The following CNTN4 variants were observed in gnomAD, a reference collection of about 807,000 sequenced individuals.
The protein encoded by CNTN4 is contactin-4.
A neutral mutation model predicts 122.5 loss-of-function variants in CNTN4; 77 were observed. The observed-to-expected ratio is 0.63, with a 90% CI of 0.52 to 0.76. CNTN4 has a LOEUF of 0.76. Ranked by LOEUF, CNTN4 falls within the 30% of genes least tolerant of loss-of-function variation. The pLI is 0.00. For synonymous variants in CNTN4, 512 were observed against 447.0 expected, an observed-to-expected ratio of 1.15 and a Z score of -1.83; for missense variants, 1,256 against 1,259.1, an observed-to-expected ratio of 1.00 and a Z score of 0.04.
intron 3 of CNTN4, among the ~76,000 whole-genome samples, chr3:2,541,378 C>T (rs760351386): frequency 2.2e-4 from 33 of 151,988 alleles, no homozygotes; most frequent in Non-Finnish European, 4.6e-4. Context: ...CCAACAGATC[C>T]TCTCAGTGTA....
At chr3:2,985,294 T>G (rs1694446396) in intron 13 of CNTN4, 1 of 152,420 alleles carries the variant, frequency 6.6e-6, no homozygotes, top group South Asian at 2.1e-4. Context: ...TGTAAGAACA[T>G]TCTCCTTTAT....
intron 3 of CNTN4, among the ~76,000 whole-genome samples, chr3:2,459,913 A>C (rs905018412): frequency 6.6e-6 from 1 of 152,128 alleles, no homozygotes; most frequent in African/African-American, 2.4e-5. Context: ...TATTTATGGA[A>C]GTTATCATTA....
intron 10 of CNTN4, among the ~76,000 whole-genome samples, chr3:2,895,802 A>G (rs2094103794): frequency 1.3e-5 from 2 of 152,214 alleles, no homozygotes; most frequent in Admixed American, 6.5e-5. Context: ...TGGGAGGCCG[A>G]GGCGGGCGGA....
In CNTN4 at chr3:2,285,024, C is replaced by A. The variant is rs1011702021; in HGVS notation, c.-144-54154C>A. On this transcript the variant is annotated intron_variant, in intron 2 of 24. Coordinates refer to ENST00000418658, the MANE Select transcript of CNTN4 (RefSeq NM_175607.3). ...TTTTGCCAGATTATCTAATAAGATA[C>A]GTTTTTATTAATAATAAAAAGAGAG... Among the ~76,000 whole-genome samples the A allele has an allele frequency of 3.3e-5, 5 of 151,736 alleles. 1 individual carries two copies. The South Asian group carries it at 8.3e-4, about 25-fold the overall frequency.
chr3:2,980,454 G>C (rs1559747065), intron 13 of CNTN4, among the ~76,000 whole-genome samples: 1 of 152,142 alleles, frequency 6.6e-6, no homozygotes, highest in Non-Finnish European at 1.5e-5. Context: ...GTATTAGGAG[G>C]AGCTCAAAGT....
chr3:2,616,938 A>G (rs1437393588), intron 4 of CNTN4, among the ~76,000 whole-genome samples: 2 of 152,226 alleles, frequency 1.3e-5, no homozygotes, highest in African/African-American at 4.8e-5. Flanking sequence ...GGCTAGCCAT[A>G]CGCAGAAAAC....
chr3:2,290,169 C>A (rs1018651530), intron 2 of CNTN4, among the ~76,000 whole-genome samples: 1 of 152,042 alleles, frequency 6.6e-6, no homozygotes, highest in Admixed American at 6.6e-5. Flanking sequence ...CAATAACAAG[C>A]AGCACAGAGC....
intron 2 of CNTN4, among the ~76,000 whole-genome samples, chr3:2,236,789 G>T (rs1056015033): frequency 4.6e-5 from 7 of 152,160 alleles, no homozygotes; most frequent in Non-Finnish European, 8.8e-5. Context: ...CTCATTTGGT[G>T]GGCAGTTAAG....
At chr3:2,337,991 A>G (rs544766460) in intron 2 of CNTN4, among the ~76,000 whole-genome samples, 1 of 152,268 alleles carries the variant, frequency 6.6e-6, no homozygotes, top group South Asian at 2.1e-4. Context: ...ATGTATATAC[A>G]GCTGGTAACT....
rs1393647144 is a variant in CNTN4 at position 2,187,164 on chromosome 3, G to C, written c.-145+86525G>C. 4.6e-5 allele frequency among the ~76,000 whole-genome samples: 7 copies of C among 152,082 alleles called. 1 individual carries two copies. Among genetic ancestry groups the C allele is most frequent in the Admixed American group, 1.3e-4 (2 of 15,272 alleles). On this transcript the variant is annotated intron_variant, in intron 2 of 24. Coordinates refer to ENST00000418658, the MANE Select transcript of CNTN4 (RefSeq NM_175607.3). ...TACATATGGCTAGCCTGTTTTCCCAGCACCATTTATTAAATAGGGAATCCT... is the reference window on the plus strand; with the variant it reads ...TACATATGGCTAGCCTGTTTTCCCACCACCATTTATTAAATAGGGAATCCT...
chr3:3,055,118 C>T (rs539693055), intron 24 of CNTN4, among the ~76,000 whole-genome samples: 32 of 152,250 alleles, frequency 2.1e-4, no homozygotes, highest in African/African-American at 7.2e-4. Flanking sequence ...TGCATACAAA[C>T]ACAAAAGGCA....
chr3:2,906,748 G>A (rs1040238892), intron 12 of CNTN4, among the ~76,000 whole-genome samples: 5 of 151,576 alleles, frequency 3.3e-5, no homozygotes, highest in African/African-American at 1.2e-4. Context: ...GGAGGCTGAG[G>A]CAGGAGAATC....
intron 4 of CNTN4, among the ~76,000 whole-genome samples, chr3:2,706,021 T>C (rs2086712708): frequency 7.1e-6 from 1 of 141,556 alleles, no homozygotes. Context: ...TATATAAATA[T>C]ACATATTTAT....
chr3:2,255,012 G>T lies in CNTN4; in HGVS notation c.-144-84166G>T, dbSNP rs1292129061. On this transcript the variant is annotated intron_variant, in intron 2 of 24. Transcript: ENST00000418658. ...TAGGCTTTCTTCTGTGGTTTTTATA[G>T]TTTTAGGTCTTAGGTTTAAGTGTTT... Among the ~76,000 whole-genome samples the T allele has an allele frequency of 3.3e-5, 5 of 152,148 alleles. No individual in the cohort carries two copies. In the East Asian group the frequency reaches 9.6e-4, roughly 29 times the overall value.
At chr3:2,918,169 C>T (rs903306244) in intron 12 of CNTN4, among the ~76,000 whole-genome samples, 34 of 152,210 alleles carry the variant, frequency 2.2e-4, no homozygotes, top group Admixed American at 2.1e-3. Flanking sequence ...GTCACTGCCG[C>T]ATTGCATAAA....
chr3:2,781,873 C>CA lies in CNTN4; in HGVS notation c.358+36176_358+36177insA, dbSNP rs201080754. 7.2e-3 allele frequency among the ~76,000 whole-genome samples: 308 copies of CA among 42,992 alleles called. 11 individuals carry two copies. The highest frequency in any genetic ancestry group is 8.3e-3 in the Non-Finnish European group (191 of 23,032). The allele number at this position is 42,992 out of a possible 152,430, so 28.2% of individuals were successfully genotyped here. On this transcript the variant is annotated intron_variant, in intron 6 of 24. Transcript: ENST00000418658. ...CCGAGTAGCTGGGACTGCAGGCGCC[C>CA]GCACCACGCCCGGCTAATTTTTTGT...
intron 3 of CNTN4, among the ~76,000 whole-genome samples, chr3:2,535,061 T>G (rs2077748349): frequency 6.6e-6 from 1 of 152,192 alleles, no homozygotes; most frequent in South Asian, 2.1e-4. Flanking sequence ...ATAGCTTATG[T>G]CCCATTCCCA....
chr3:2,943,810 G>T (rs1404373749), intron 13 of CNTN4, among the ~76,000 whole-genome samples: 4 of 151,308 alleles, frequency 2.6e-5, no homozygotes, highest in Non-Finnish European at 5.9e-5. Context: ...TTATAGTAGA[G>T]ATGGGGTTTC....
At chr3:2,340,710 T>TAGAGAGAGAGAGAGAGAGAGAGAGGGGG (rs1553627574) in intron 3 of CNTN4, among the ~76,000 whole-genome samples, 26 of 18,302 alleles carry the variant, frequency 1.4e-3, no homozygotes, top group African/African-American at 2.5e-3. Context: ...TATATATATA[T>TAGAGAGAGAGAGAGAGAGAGAGAGGGGG]AGAGAGAGAG....
Sources: gnomAD v4.1 joint callset for allele counts (sites outside exome capture counted in the v4.1 genomes callset) on GRCh38, gnomAD v4.1.1 for gene constraint, MANE v1.5 for transcripts, NCBI Gene and HGNC (gene_info 2026-07-23, HGNC 2026-07-21) for gene names.